Variants in APC observed in about 807,000 individuals in gnomAD.
The protein encoded by APC is adenomatous polyposis coli protein.
A neutral mutation model predicts 247.0 loss-of-function variants in APC; 72 were observed. The ratio of observed to expected loss-of-function variants is 0.29; its 90% confidence interval spans 0.24 to 0.35. APC has a LOEUF of 0.35. Among genes scored for constraint, APC ranks in the 10% least tolerant of loss-of-function variants. The pLI, the probability that APC is intolerant of heterozygous loss-of-function variation, is 1.00. For missense variants in APC, 3,400 were observed against 3,360.7 expected (o/e 1.01, Z -0.29); for synonymous variants, 1,254 against 1,162.5 (o/e 1.08, Z -1.60).
Position 112,837,571 on chromosome 5 carries a change from C to G in APC, c.1977C>G (p.Asn659Lys), listed in dbSNP as rs1561574172. 1 of 1,612,746 alleles carries G rather than the reference C, an allele frequency of 6.2e-7. No homozygotes were observed. The highest frequency in any genetic ancestry group is 8.5e-7 in the Non-Finnish European group (1 of 1,178,860). ...ATTTCAGGCAAATCCTAAGAGAGAA[C>G]AACTGTCTACAAACTTTATTACAAC... ...NEDHRQILRE[N>K]NCLQTLLQHL... The change falls in exon 16 of 16, where the codon AAC becomes AAG. Residue 659 changes from asparagine to lysine, a missense_variant. Asn to Lys is a moderately conservative substitution (Grantham distance 94). Transcript: ENST00000257430.
chr5:112,820,746 AT>A (rs1263966357), intron 10 of APC, among the ~76,000 whole-genome samples: 2 of 152,220 alleles, frequency 1.3e-5, no homozygotes, highest in African/African-American at 4.8e-5. Context: ...CGTGCATAGT[AT>A]TGAATGTGGA....
chr5:112,747,609 C>T (rs557695638), intron 1 of APC, among the ~76,000 whole-genome samples: 1 of 152,218 alleles, frequency 6.6e-6, no homozygotes, highest in East Asian at 1.9e-4. Context: ...ACCTCTTTCG[C>T]CTAAGACCCC....
chr5:112,725,898 A>G (rs989264217), intron 1 of APC, among the ~76,000 whole-genome samples: 7 of 152,260 alleles, frequency 4.6e-5, no homozygotes, highest in African/African-American at 1.7e-4. Flanking sequence ...TTACCGTAGT[A>G]TATGAGGTAC....
In APC at chr5:112,837,835, A is replaced by C. The variant is rs1580619734; in HGVS notation, c.2241A>C (p.Ser747=). Residue 747 remains serine, a synonymous_variant, in exon 16 of 16, where the codon TCA becomes TCC. Coordinates refer to ENST00000257430, the MANE Select transcript of APC (RefSeq NM_000038.6). ...ATGCCAATATTATGTCTCCTGGCTC[A>C]AGCTTGCCATCTCTTCATGTTAGGA... ...YKDANIMSPG[S]SLPSLHVRKQ... The C allele has an allele frequency of 6.2e-7, 1 of 1,614,044 alleles. No individual in the cohort carries two copies. The highest frequency in any genetic ancestry group is 2.2e-5 in the East Asian group (1 of 44,860).
intron 11 of APC, among the ~76,000 whole-genome samples, chr5:112,823,928 A>G (rs1020849223): frequency 2.0e-5 from 3 of 152,196 alleles, no homozygotes; most frequent in Non-Finnish European, 4.4e-5. Flanking sequence ...GGCCTGGCTG[A>G]TTCTTATGTT....
intron 5 of APC, 152 bp downstream of exon 5, chr5:112,775,889 A>G (rs1284387955): frequency 4.1e-6 from 2 of 483,734 alleles, no homozygotes; most frequent in African/African-American, 4.0e-5. Context: ...AATATATAAT[A>G]GTTAATGAAT....
intron 4 of APC, among the ~76,000 whole-genome samples, chr5:112,774,729 G>A (rs979671628): frequency 2.6e-5 from 4 of 151,668 alleles, no homozygotes; most frequent in Non-Finnish European, 4.4e-5. Context: ...CACCTGCCTC[G>A]GCTTCCCTAA....
At chr5:112,815,835 C>G (rs192802446) in intron 9 of APC, among the ~76,000 whole-genome samples, 1 of 152,260 alleles carries the variant, frequency 6.6e-6, no homozygotes, top group Admixed American at 6.5e-5. Flanking sequence ...ACTCAGGAGG[C>G]TGAGGCATGA....
chr5:112,745,638 A>G (rs1410460207), intron 1 of APC, among the ~76,000 whole-genome samples: 2 of 151,826 alleles, frequency 1.3e-5, no homozygotes, highest in East Asian at 1.9e-4. Flanking sequence ...ATCTCGGCTC[A>G]CAGCAACCTC....
At chr5:112,736,730 AT>A (rs1212049788), upstream of APC, among the ~76,000 whole-genome samples, 1 of 152,200 alleles carries the variant, frequency 6.6e-6, no homozygotes, top group Non-Finnish European at 1.5e-5. Context: ...CCTGGCCAGC[AT>A]GGTGAAACCC....
At chr5:112,711,602 C>G (rs1750852831) in intron 1 of APC, among the ~76,000 whole-genome samples, 1 of 152,156 alleles carries the variant, frequency 6.6e-6, no homozygotes, top group Non-Finnish European at 1.5e-5. Context: ...CACCTGTAAT[C>G]CCAGCAGTTT....
In APC at chr5:112,801,296, G is replaced by A. The variant is rs878853470; in HGVS notation, c.747G>A (p.Lys249=). 3.7e-6 allele frequency: 6 copies of A among 1,612,674 alleles called. No individual in the cohort carries two copies. The highest frequency in any genetic ancestry group is 1.3e-5 in the African/African-American group (1 of 74,890). The part of the protein sequence containing the change: ...ATEAERSSQN[K]HETGSHDAER... ...CTTAACAGAGGTCATCTCAGAACAA[G>A]CATGAAACCGGCTCACATGATGCTG... Residue 249 remains lysine (K), a synonymous_variant, in exon 8 of 16, where the codon AAG becomes AAA. Transcript: ENST00000257430.
At chr5:112,730,766 A>C (rs1302054121) in intron 1 of APC, among the ~76,000 whole-genome samples, 1 of 152,160 alleles carries the variant, frequency 6.6e-6, no homozygotes, top group Non-Finnish European at 1.5e-5. Flanking sequence ...GCCTTTGGCC[A>C]CAGGTTAAGT....
chr5:112,806,598 A>G (rs1009654722), intron 8 of APC, among the ~76,000 whole-genome samples: 1 of 139,462 alleles, frequency 7.2e-6, no homozygotes, highest in African/African-American at 2.9e-5. Flanking sequence ...ATTTATTGAG[A>G]TAGGGTCTCA....
chr5:112,791,257 T>C (rs929656758), intron 6 of APC, among the ~76,000 whole-genome samples: 8 of 152,120 alleles, frequency 5.3e-5, no homozygotes, highest in African/African-American at 1.9e-4. Context: ...CTCCATATAG[T>C]GGAAAAGCAA....
intron 1 of APC, among the ~76,000 whole-genome samples, chr5:112,752,803 C>T (rs75627638): frequency 0.022 from 3,345 of 152,040 alleles, 57 homozygotes; most frequent in Non-Finnish European, 0.032. Context: ...GTTATTTTTT[C>T]CATAAAGTTA....
At chr5:112,738,202 A>G in intron 1 of APC, 9 of 865,516 alleles carry the variant, frequency 1.0e-5, no homozygotes, top group Non-Finnish European at 1.2e-5. Context: ...TTGAAGCCAG[A>G]AGGGGTTTTT....
At chr5:112,832,842 T>G (rs1429223375) in intron 14 of APC, among the ~76,000 whole-genome samples, 1 of 152,092 alleles carries the variant, frequency 6.6e-6, no homozygotes, top group Non-Finnish European at 1.5e-5. Context: ...TTTTTGTATC[T>G]TTTTTTCCCC....
intron 1 of APC, among the ~76,000 whole-genome samples, chr5:112,724,509 C>G (rs1751662543): frequency 6.7e-6 from 1 of 150,078 alleles, no homozygotes; most frequent in Non-Finnish European, 1.5e-5. Flanking sequence ...GAGTCTTGTC[C>G]TCAAACAGCT....
Sources: gnomAD v4.1 joint callset for allele counts (sites outside exome capture counted in the v4.1 genomes callset) on GRCh38, gnomAD v4.1.1 for gene constraint, MANE v1.5 for transcripts, NCBI Gene and HGNC (gene_info 2026-07-23, HGNC 2026-07-21) for gene names.